PDE6B: variants seen among roughly 807,000 people sequenced by gnomAD.
PDE6B encodes the protein rod cGMP-specific 3',5'-cyclic phosphodiesterase subunit beta.
Under a neutral mutation model 109.0 loss-of-function variants are expected in PDE6B, and 106 were observed. That is an observed-to-expected ratio of 0.97 (90% CI 0.83 to 1.14). PDE6B has a LOEUF of 1.14. PDE6B is among the 50% of genes most tolerant of loss of function. The probability of loss-of-function intolerance (pLI) is 0.00; values close to 1 mark genes in which losing one functional copy is unlikely to be tolerated. For missense variants in PDE6B, 1,193 were observed against 1,155.6 expected, an observed-to-expected ratio of 1.03 and a Z score of -0.47; for synonymous variants, 490 against 471.3, an observed-to-expected ratio of 1.04 and a Z score of -0.51.
Position 663,651 on chromosome 4 carries a change from C to G in PDE6B, c.1921-119C>G, listed in dbSNP as rs982034141. ...CAGGCGGATTAGGGGTCCCGCCCAC[C>G]GAGGGCCCGAGGGCGGGGGCGTGAG... On this transcript the variant is annotated intron_variant, in intron 15 of 21. Transcript: ENST00000496514. The surrounding 1 kb of genome is among the most constrained non-coding windows in gnomAD (Gnocchi z 4.0). The G allele has an allele frequency of 1.1e-5, 8 of 750,128 alleles. No individual in the cohort carries two copies. The East Asian group carries it at 2.1e-4, about 20-fold the overall frequency. 46.5% of individuals were successfully genotyped at this position (750,128 alleles called of 1,614,324 possible).
intron 1 of PDE6B, among the ~76,000 whole-genome samples, chr4:631,746 T>G (rs2109126699): frequency 6.6e-6 from 1 of 152,072 alleles, no homozygotes; most frequent in African/African-American, 2.4e-5. Flanking sequence ...TCACATTGTG[T>G]GGGTCCATGT....
Position 657,426 on chromosome 4 carries a change from A to C in PDE6B, c.1333A>C (p.Lys445Gln), listed in dbSNP as rs1424672145. Residue 445 changes from lysine to glutamine, a missense_variant, in exon 10 of 22, where the codon AAG becomes CAG. By Grantham distance (53) the Lys-to-Gln change is moderately conservative (BLOSUM62 1). Coordinates refer to ENST00000496514, the MANE Select transcript of PDE6B (RefSeq NM_000283.4). ...CAAGATGAACAAGCTGGAGAACCGC[A>C]AGGACATCGCACAGGACATGGTCCT... is the stretch of plus-strand genomic sequence containing the variant. ...YDKMNKLENR[K>Q]DIAQDMVLYH... 2.5e-6 allele frequency: 4 copies of C among 1,613,150 alleles called. No individual in the cohort carries two copies. Among genetic ancestry groups the C allele is most frequent in the African/African-American group, 1.3e-5 (1 of 74,920 alleles).
chr4:659,628 A>G (rs1019343998), intron 11 of PDE6B, among the ~76,000 whole-genome samples: 4 of 147,668 alleles, frequency 2.7e-5, no homozygotes, highest in Non-Finnish European at 6.0e-5. Flanking sequence ...ATGAATGTGC[A>G]CATGTGTACA....
At chr4:642,392 C>T (rs1734987695) in intron 3 of PDE6B, among the ~76,000 whole-genome samples, 1 of 152,006 alleles carries the variant, frequency 6.6e-6, no homozygotes, top group African/African-American at 2.4e-5. Context: ...AGGAAAATCG[C>T]TTGAACCTGG....
rs199768318 is a variant in PDE6B, at chr4:653,963, G to A, written c.823G>A (p.Val275Met). 18 of 1,613,760 alleles carry A rather than the reference G, an allele frequency of 1.1e-5. No homozygotes were observed. Among genetic ancestry groups the A allele is most frequent in the East Asian group, 4.5e-5 (2 of 44,892 alleles). Residue 275 changes from valine to methionine, a missense_variant, in exon 4 of 22, where the codon GTG becomes ATG. By Grantham distance (21) the Val-to-Met change is conservative. Coordinates refer to ENST00000496514, the MANE Select transcript of PDE6B (RefSeq NM_000283.4). ...RAYLNCERYS[V>M]GLLDMTKEKE... ...CTACCTCAACTGCGAGCGGTACTCC[G>A]TGGGCCTCCTGGACATGACCAAGGA... is the stretch of plus-strand genomic sequence containing the variant.
At position 633,142 on chromosome 4, in the gene PDE6B, ACAGGTGCAGAGATGAGCCCTCGGGGGACG is replaced by A. The variant is rs1289786798; in HGVS notation, c.469-1513_469-1485del. ...TGTGCTGTGCTTGGCCTCAGGGGAC[ACAGGTGCAGAGATGAGCCCTCGGGGGACG>A]CAGGTGCAGAGATGAGCCCTCAGGG... On this transcript the variant is annotated intron_variant, in intron 1 of 21. Transcript: ENST00000496514. The surrounding 1 kb of genome is among the most constrained non-coding windows in gnomAD (Gnocchi z 4.5). Among the ~76,000 whole-genome samples the A allele has an allele frequency of 1.3e-5, 2 of 152,054 alleles. No homozygotes were observed. Among genetic ancestry groups the A allele is most frequent in the Non-Finnish European group, 2.9e-5 (2 of 67,988 alleles).
Position 633,555 on chromosome 4 carries a change from C to A in PDE6B, c.469-1122C>A, listed in dbSNP as rs1337951087. ...CCCTCTGCTGCTGCAGGGCCACCGT[C>A]CCTAGAAACAGCAGGAGATGTGAGG... is the stretch of plus-strand genomic sequence containing the variant. On this transcript the variant is annotated intron_variant, in intron 1 of 21. Transcript: ENST00000496514. This position sits in a 1 kb window ranked among gnomAD's most constrained non-coding sequence, Gnocchi z 4.5. 6.6e-6 allele frequency among the ~76,000 whole-genome samples: 1 copy of A among 152,178 alleles called. No individual in the cohort carries two copies. The highest frequency in any genetic ancestry group is 2.4e-5 in the African/African-American group (1 of 41,438).
In PDE6B at chr4:666,530, G is replaced by T. The variant is rs765859057; in HGVS notation, c.2269-1G>T. The stretch of plus-strand genomic sequence containing the variant: ...CTCCCGCCCTCTGTTCCTCCCACCA[G>T]CCTATGATGGACCGGAACAAGGCGG... On this transcript the variant is annotated splice_acceptor_variant, in intron 19 of 21. Coordinates refer to ENST00000496514, the MANE Select transcript of PDE6B (RefSeq NM_000283.4). LOFTEE classifies it high-confidence loss of function. The surrounding 1 kb of genome is among the most constrained non-coding windows in gnomAD (Gnocchi z 5.6). 6.2e-7 allele frequency: 1 copy of T among 1,609,104 alleles called. No individual in the cohort carries two copies. The highest frequency in any genetic ancestry group is 8.5e-7 in the Non-Finnish European group (1 of 1,175,806).
At chr4:660,143 C>T (rs549937672) in intron 11 of PDE6B, among the ~76,000 whole-genome samples, 2 of 152,026 alleles carry the variant, frequency 1.3e-5, no homozygotes, top group African/African-American at 4.8e-5. Flanking sequence ...GTGCCTGTGT[C>T]ACGTGTGTCT....
chr4:636,096 T>C lies in PDE6B; in HGVS notation c.711+127T>C. ...ACCTGGGTAGGTCCTGGGGTGGGCA[T>C]TGCTCAGGGGAGAGGAGGGCTCCAT... On this transcript the variant is annotated intron_variant, in intron 3 of 21. Coordinates refer to ENST00000496514, the MANE Select transcript of PDE6B (RefSeq NM_000283.4). The surrounding 1 kb of genome is among the most constrained non-coding windows in gnomAD (Gnocchi z 4.5). 2.9e-6 allele frequency: 2 copies of C among 693,052 alleles called. No individual in the cohort carries two copies. Among genetic ancestry groups the C allele is most frequent in the South Asian group, 3.0e-5 (2 of 65,640 alleles). 42.9% of individuals were successfully genotyped at this position (693,052 alleles called of 1,614,324 possible).
chr4:646,206 A>T (rs574913109), intron 3 of PDE6B, among the ~76,000 whole-genome samples: 79 of 152,106 alleles, frequency 5.2e-4, no homozygotes, highest in African/African-American at 1.7e-3. Context: ...TTTATCTGAG[A>T]AAGTCTTTAT....
intron 11 of PDE6B, among the ~76,000 whole-genome samples, chr4:659,587 A>G (rs886881544): frequency 2.0e-5 from 3 of 149,224 alleles, no homozygotes; most frequent in African/African-American, 5.0e-5. Flanking sequence ...GTGTGTGCAC[A>G]TGTGGGTATG....
In PDE6B at chr4:665,161, G is replaced by A. The variant is rs548443861; in HGVS notation, c.2194-94G>A. ...GGTGGGGACCCCGGGGGTCTGGGGC[G>A]GAGAAGACCGAGGCTCGGAGCCTCA... is the stretch of plus-strand genomic sequence containing the variant. On this transcript the variant is annotated intron_variant, in intron 18 of 21. Coordinates refer to ENST00000496514, the MANE Select transcript of PDE6B (RefSeq NM_000283.4). This position sits in a 1 kb window ranked among gnomAD's most constrained non-coding sequence, Gnocchi z 4.0. 2.2e-5 allele frequency: 22 copies of A among 994,510 alleles called. No homozygotes were observed. The highest frequency in any genetic ancestry group is 4.8e-5 in the African/African-American group (3 of 63,116). The allele number at this position is 994,510 out of a possible 1,614,324, so 61.6% of individuals were successfully genotyped here.
chr4:668,144 G>A (rs1009568457), intron 21 of PDE6B, 138 bp downstream of exon 21: 1 of 827,498 alleles, frequency 1.2e-6, no homozygotes, highest in South Asian at 1.7e-5. Context: ...CAGGGCCACA[G>A]TGCAGGGAGA....
At position 667,994 on chromosome 4, in the gene PDE6B, G is replaced by A. The variant is rs747897473; in HGVS notation, c.2491G>A (p.Ala831Thr). 6.2e-7 allele frequency: 1 copy of A among 1,612,168 alleles called. No individual in the cohort carries two copies. The highest frequency in any genetic ancestry group is 8.5e-7 in the Non-Finnish European group (1 of 1,179,532). The change falls in exon 21 of 22, where the codon GCA becomes ACA. Residue 831 changes from alanine to threonine, a missense_variant. By Grantham distance (58) the Ala-to-Thr change is moderately conservative. Coordinates refer to ENST00000496514, the MANE Select transcript of PDE6B (RefSeq NM_000283.4). Reference sequence around the variant, plus strand: ...GGAGAAGGAGGAGGAGGAGAGGGTGGCAGCCAAGAAAGGTCTGGCTCTGTG... The same window carrying A: ...GGAGAAGGAGGAGGAGGAGAGGGTGACAGCCAAGAAAGGTCTGGCTCTGTG... Reference protein sequence around the residue: ...LEEKEEEERVAAKKVGTEICN... With the variant: ...LEEKEEEERVTAKKVGTEICN...
At chr4:658,873 C>A in intron 10 of PDE6B, 79 bp from the exon 11 acceptor site, 1 of 1,029,156 alleles carries the variant, frequency 9.7e-7, no homozygotes, top group South Asian at 1.3e-5. Context: ...TCCTCTAGCT[C>A]ACACGGGGTG....
chr4:661,869 CTGGG>C, intron 12 of PDE6B: 5 of 515,346 alleles, frequency 9.7e-6, no homozygotes, highest in Non-Finnish European at 1.8e-5. Flanking sequence ...CGGATGGAGG[CTGGG>C]CGGCCCCTGA....
At chr4:660,427 T>C (rs777480956) in intron 11 of PDE6B, 40 bp from the exon 12 acceptor site, 1 of 1,606,264 alleles carries the variant, frequency 6.2e-7, no homozygotes, top group Non-Finnish European at 8.5e-7. Context: ...GTGGGGGCTG[T>C]GGCAGGCCAA....
chr4:666,505 C>G lies in PDE6B; in HGVS notation c.2269-26C>G. ...AGGAGCTGCCTCCCTGGTCACTGTT[C>G]TCCCGCCCTCTGTTCCTCCCACCAG... On this transcript the variant is annotated intron_variant, in intron 19 of 21. Transcript: ENST00000496514. This position sits in a 1 kb window ranked among gnomAD's most constrained non-coding sequence, Gnocchi z 5.6. 7 of 1,561,752 alleles carry G rather than the reference C, an allele frequency of 4.5e-6. No individual in the cohort carries two copies. Among genetic ancestry groups the G allele is most frequent in the Non-Finnish European group, 5.3e-6 (6 of 1,132,928 alleles).
Sources: allele counts gnomAD v4.1 joint callset (sites outside exome capture counted in the v4.1 genomes callset), GRCh38; gene constraint gnomAD v4.1.1; non-coding constraint Gnocchi (gnomAD v3.1); transcripts MANE v1.5; gene names NCBI Gene and HGNC (gene_info 2026-07-23, HGNC 2026-07-21).